The following AP1S2 variants were observed in gnomAD, a reference collection of about 807,000 sequenced individuals.
AP1S2 encodes adaptor related protein complex 1 subunit sigma 2, also known as AP-1 complex subunit sigma-2.
In AP1S2, 1 loss-of-function variant was observed where a neutral mutation model predicts 14.3. The ratio of observed to expected loss-of-function variants is 0.07; its 90% CI spans 0.02 to 0.33. AP1S2 has a LOEUF of 0.33. Ranked by LOEUF, AP1S2 falls within the 10% of genes least tolerant of loss-of-function variation. The probability of loss-of-function intolerance (pLI) is 0.99; values close to 1 mark genes in which losing one functional copy is unlikely to be tolerated. For synonymous variants in AP1S2, 30 were observed against 40.5 expected (o/e 0.74, Z 0.99); for missense variants, 30 against 117.7 (o/e 0.25, Z 3.45).
At chrX:15,853,449 G>T (rs1049809683) in intron 1 of AP1S2, among the ~76,000 whole-genome samples, 1 of 112,482 alleles carries the variant, frequency 8.9e-6, no homozygotes, top group Admixed American at 9.4e-5. Flanking sequence ...ACTGCAAACA[G>T]AAGTATTGTT....
intron 4 of AP1S2, among the ~76,000 whole-genome samples, chrX:15,842,660 G>T (rs997666060): frequency 8.9e-6 from 1 of 112,298 alleles, no homozygotes; most frequent in Non-Finnish European, 1.9e-5. Flanking sequence ...TTACAAGGGG[G>T]TAAGGAAAAT....
In AP1S2 at chrX:15,827,118, C is replaced by T; in HGVS notation, c.*207G>A. 3 of 434,294 alleles carry T rather than the reference C, an allele frequency of 6.9e-6. No individual in the cohort carries two copies. The South Asian group carries it at 1.1e-4, about 15-fold the overall frequency. The allele number at this position is 434,294 out of a possible 1,213,427, so 35.8% of individuals were successfully genotyped here. On this transcript the variant is annotated 3_prime_UTR_variant, in exon 6 of 6. Coordinates refer to ENST00000672987, the MANE Select transcript of AP1S2 (RefSeq NM_001272071.2). ...CCAGAAAAGGTATCTCTTTCTGCAC[C>T]ATTCTAATTCATATTTAAGTCCCTT...
intron 4 of AP1S2, among the ~76,000 whole-genome samples, chrX:15,836,734 A>G (rs890604248): frequency 2.7e-5 from 3 of 111,018 alleles, no homozygotes; most frequent in Admixed American, 1.9e-4. Context: ...TTTTTAAAAA[A>G]TTAGCTGGGC....
At chrX:15,852,750 G>T in intron 1 of AP1S2, 1 of 410,757 alleles carries the variant, frequency 2.4e-6, no homozygotes, top group Non-Finnish European at 3.1e-6. Flanking sequence ...AGTTTGAAGG[G>T]GAGTGTGCAG....
chrX:15,854,725 G>A lies in AP1S2; in HGVS notation c.-38C>T. On this transcript the variant is annotated 5_prime_UTR_variant, in exon 1 of 6. Transcript: ENST00000672987. ...CCGCGGGCGCGGCGGAGCTTGGCCG[G>A]CGGCGGCGGCGGCGGCGAAGGGGAA... is the stretch of plus-strand genomic sequence containing the variant. 1.3e-6 allele frequency: 1 copy of A among 774,599 alleles called. No individual in the cohort carries two copies. The highest frequency in any genetic ancestry group is 1.5e-6 in the Non-Finnish European group (1 of 648,630). 63.8% of individuals were successfully genotyped at this position (774,599 alleles called of 1,213,427 possible). A position where few individuals can be genotyped will look rare whatever the true frequency, so the allele number is the denominator to read the frequency against.
At chrX:15,851,662 C>T (rs1013292248) in intron 2 of AP1S2, among the ~76,000 whole-genome samples, 2 of 111,625 alleles carry the variant, frequency 1.8e-5, no homozygotes, top group East Asian at 2.8e-4. Context: ...AAAATAAAGA[C>T]GTATAGCATT....
At position 15,830,009 on chromosome X, in the gene AP1S2, C is replaced by T. The variant is rs1933380895; in HGVS notation, c.427-1809G>A. 9.5e-6 allele frequency: 6 copies of T among 629,958 alleles called. No homozygotes were observed. The Admixed American group carries it at 2.7e-4, about 29-fold the overall frequency. 51.9% of individuals were successfully genotyped at this position (629,958 alleles called of 1,213,427 possible). ...TGCCTAGAAAAATGAAAATATAAAA[C>T]GTTATTTTATGAGGGATGGAAAAGA... is the stretch of plus-strand genomic sequence containing the variant. On this transcript the variant is annotated intron_variant, in intron 4 of 5. Coordinates refer to ENST00000672987, the MANE Select transcript of AP1S2 (RefSeq NM_001272071.2).
At chrX:15,852,248 T>C in intron 2 of AP1S2, 98 bp downstream of exon 2, 1 of 799,645 alleles carries the variant, frequency 1.3e-6, no homozygotes, top group Non-Finnish European at 1.8e-6. Context: ...TAAATCTTTA[T>C]TAATCGTTAT....
At position 15,840,540 on chromosome X, in the gene AP1S2, C is replaced by T. The variant is rs752409871; in HGVS notation, c.426+4839G>A. ...TCAAAGGGACTAAAGCCTTAGACTGCTCTTTATCATAAGATATCCTCAGAC... is the reference window on the plus strand; with the variant it reads ...TCAAAGGGACTAAAGCCTTAGACTGTTCTTTATCATAAGATATCCTCAGAC... On this transcript the variant is annotated intron_variant, in intron 4 of 5. Transcript: ENST00000672987. 58 of 979,294 alleles carry T rather than the reference C, an allele frequency of 5.9e-5. No homozygotes were observed. The South Asian group carries it at 1.1e-3, about 18-fold the overall frequency. The allele number at this position is 979,294 out of a possible 1,213,427, so 80.7% of individuals were successfully genotyped here.
At chrX:15,841,254 T>C (rs1933822299) in intron 4 of AP1S2, among the ~76,000 whole-genome samples, 1 of 111,174 alleles carries the variant, frequency 9.0e-6, no homozygotes, top group African/African-American at 3.3e-5. Flanking sequence ...AAAATAAGCA[T>C]TCTTAAGGAT....
intron 5 of AP1S2, 111 bp from the exon 6 acceptor site, chrX:15,827,483 G>A (rs1257195813): frequency 3.1e-5 from 23 of 732,080 alleles, no homozygotes; most frequent in African/African-American, 1.9e-4. Flanking sequence ...AAGCAATTTC[G>A]TGTCACAGTA....
At position 15,838,512 on chromosome X, in the gene AP1S2, C is replaced by T. The variant is rs928601417; in HGVS notation, c.426+6867G>A. 6.4e-5 allele frequency among the ~76,000 whole-genome samples: 7 copies of T among 108,828 alleles called. No individual in the cohort carries two copies. In the South Asian group the frequency reaches 1.2e-3, roughly 19 times the overall value. The allele number at this position is 108,828 out of a possible 115,157, so 94.5% of individuals were successfully genotyped here. On this transcript the variant is annotated intron_variant, in intron 4 of 5. Coordinates refer to ENST00000672987, the MANE Select transcript of AP1S2 (RefSeq NM_001272071.2). ...TTTTAATTAAAAAAAAAATCACCACCGACACCACAGACTATTCCCTTTGCA... is the reference window on the plus strand; with the variant it reads ...TTTTAATTAAAAAAAAAATCACCACTGACACCACAGACTATTCCCTTTGCA...
At chrX:15,851,281 A>G (rs954054886) in intron 2 of AP1S2, among the ~76,000 whole-genome samples, 8 of 112,344 alleles carry the variant, frequency 7.1e-5, no homozygotes, top group African/African-American at 2.6e-4. Context: ...AATAATAAAG[A>G]GGAGTCCTCA....
chrX:15,847,710 C>T (rs1934042528), intron 2 of AP1S2, among the ~76,000 whole-genome samples: 1 of 111,784 alleles, frequency 8.9e-6, no homozygotes, highest in African/African-American at 3.2e-5. Flanking sequence ...TCCTCCCTAA[C>T]CCATGCTCAT....
At chrX:15,844,966 A>G in intron 4 of AP1S2, 1 of 745,804 alleles carries the variant, frequency 1.3e-6, no homozygotes, top group Non-Finnish European at 1.6e-6. Flanking sequence ...TGGAATTAAA[A>G]TGTCATAATC....
intron 2 of AP1S2, among the ~76,000 whole-genome samples, chrX:15,850,319 G>T (rs1356600245): frequency 9.1e-6 from 1 of 110,308 alleles, no homozygotes; most frequent in Non-Finnish European, 1.9e-5. Context: ...GAAATGTGGA[G>T]ATCACCCCAC....
intron 1 of AP1S2, 180 bp from the exon 2 acceptor site, chrX:15,852,704 G>T: frequency 3.1e-6 from 1 of 324,060 alleles, no homozygotes; most frequent in Non-Finnish European, 4.1e-6. Flanking sequence ...TCTTCCTCTA[G>T]ATGCAAACCT....
In AP1S2 at chrX:15,840,492, G is replaced by T. The variant is rs189237788; in HGVS notation, c.426+4887C>A. The stretch of plus-strand genomic sequence containing the variant: ...TGCCACAAAAATGGTAAATTTAGTA[G>T]TTACCAATAAATAAGTTGGGGATCA... On this transcript the variant is annotated intron_variant, in intron 4 of 5. Coordinates refer to ENST00000672987, the MANE Select transcript of AP1S2 (RefSeq NM_001272071.2). The T allele has an allele frequency of 4.6e-5, 43 of 940,595 alleles. No individual in the cohort carries two copies. In the African/African-American group the frequency reaches 8.2e-4, roughly 18 times the overall value. The allele number at this position is 940,595 out of a possible 1,213,427, so 77.5% of individuals were successfully genotyped here. A position where few individuals can be genotyped will look rare whatever the true frequency, so the allele number is the denominator to read the frequency against.
At chrX:15,839,312 T>C (rs756944565) in intron 4 of AP1S2, among the ~76,000 whole-genome samples, 4 of 112,527 alleles carry the variant, frequency 3.6e-5, no homozygotes, top group Non-Finnish European at 7.5e-5. Context: ...GTTTGTCTTA[T>C]TTAAGCAAAT....
Sources: allele counts gnomAD v4.1 joint callset (sites outside exome capture counted in the v4.1 genomes callset), GRCh38; gene constraint gnomAD v4.1.1; transcripts MANE v1.5; gene names NCBI Gene and HGNC (gene_info 2026-07-23, HGNC 2026-07-21).